Variants in ZFP64 observed in about 807,000 individuals in gnomAD.
ZFP64 encodes ZFP64 zinc finger protein, also known as zinc finger protein 64.
A neutral mutation model predicts 51.6 loss-of-function variants in ZFP64; 14 were observed. That is an observed-to-expected ratio of 0.27 (90% CI 0.18 to 0.42). ZFP64 has a LOEUF of 0.42. ZFP64 is among the 10% of genes least tolerant of loss of function. ZFP64 has a pLI of 1.00. For synonymous variants in ZFP64, 375 were observed against 361.4 expected, an observed-to-expected ratio of 1.04 and a Z score of -0.43; for missense variants, 754 against 906.8, an observed-to-expected ratio of 0.83 and a Z score of 2.16.
At chr20:52,145,604 A>C (rs1435607759) in intron 5 of ZFP64, among the ~76,000 whole-genome samples, 1 of 152,190 alleles carries the variant, frequency 6.6e-6, no homozygotes, top group Non-Finnish European at 1.5e-5. Flanking sequence ...GTGCCACTGC[A>C]CTCCAACCTG....
chr20:52,106,069 T>G (rs1426442751), intron 5 of ZFP64, among the ~76,000 whole-genome samples: 1 of 152,160 alleles, frequency 6.6e-6, no homozygotes, highest in Non-Finnish European at 1.5e-5. Flanking sequence ...TGTTTTTATA[T>G]AGCACGCGCC....
chr20:52,103,501 T>C (rs1290569173), intron 5 of ZFP64, among the ~76,000 whole-genome samples: 2 of 152,058 alleles, frequency 1.3e-5, no homozygotes, highest in African/African-American at 4.8e-5. Flanking sequence ...AGAAGTCACC[T>C]CAGTACTCCA....
chr20:52,096,837 T>A (rs888874598), intron 7 of ZFP64: 13 of 276,510 alleles, frequency 4.7e-5, no homozygotes, highest in Non-Finnish European at 8.1e-5. Flanking sequence ...CGCAATGAAC[T>A]GAGATTGCAC....
intron 5 of ZFP64, among the ~76,000 whole-genome samples, chr20:52,146,235 A>G (rs560444037): frequency 1.3e-5 from 2 of 152,304 alleles, no homozygotes; most frequent in Admixed American, 1.3e-4. Context: ...CTGGGTATAT[A>G]CCCAAAGGGC....
rs185805602 is a variant in ZFP64, at chr20:52,103,976, A to C, written c.764-5389T>G. Among the ~76,000 whole-genome samples the C allele has an allele frequency of 3.3e-3, 501 of 152,280 alleles. 3 individuals are homozygous for C. Among genetic ancestry groups the C allele is most frequent in the African/African-American group, 0.011 (478 of 41,572 alleles). ...GTGGAAGTTGATGCGGAAGCTGGAG[A>C]GCCCGCGGCTCTGGAGGGGTGAGCC... On this transcript the variant is annotated intron_variant, in intron 5 of 8. Transcript: ENST00000361387.
In ZFP64 at chr20:52,151,514, A is replaced by C. The variant is rs754071111; in HGVS notation, c.*632T>G. The C allele has an allele frequency of 1.0e-6, 1 of 985,654 alleles. No individual in the cohort carries two copies. Among genetic ancestry groups the C allele is most frequent in the East Asian group, 1.1e-4 (1 of 8,810 alleles). 61.1% of individuals were successfully genotyped at this position (985,654 alleles called of 1,614,324 possible). A position where few individuals can be genotyped will look rare whatever the true frequency, so the allele number is the denominator to read the frequency against. ...TACACAAATGTAATAAGATGGACAG[A>C]AACCTTTATTAGAGTTGGAAAATCA... On this transcript the variant is annotated 3_prime_UTR_variant, in exon 6 of 6. Coordinates refer to ENST00000216923, the MANE Select transcript of ZFP64 (RefSeq NM_018197.3).
intron 5 of ZFP64, among the ~76,000 whole-genome samples, chr20:52,123,502 C>T (rs1033057577): frequency 6.6e-6 from 1 of 152,150 alleles, no homozygotes; most frequent in Non-Finnish European, 1.5e-5. Flanking sequence ...CCATCGACCT[C>T]CAGGCAAGAC....
intron 3 of ZFP64, chr20:52,165,002 C>A (rs1375329132): frequency 9.4e-6 from 6 of 636,140 alleles, no homozygotes; most frequent in Non-Finnish European, 1.7e-5. Context: ...AACTGAGGCC[C>A]TTTTGACAAA....
At chr20:52,183,599 G>T (rs1983764750) in intron 2 of ZFP64, among the ~76,000 whole-genome samples, 1 of 152,122 alleles carries the variant, frequency 6.6e-6, no homozygotes, top group Admixed American at 6.5e-5. Flanking sequence ...AGGGTTTTCT[G>T]GTTTTCACCT....
intron 1 of ZFP64, among the ~76,000 whole-genome samples, chr20:52,188,449 G>C (rs6123140): frequency 0.18 from 26,218 of 147,890 alleles, 2,948 homozygotes; most frequent in East Asian, 0.25. Flanking sequence ...CAAGTAGCTG[G>C]GACTACAGGC....
intron 5 of ZFP64, among the ~76,000 whole-genome samples, chr20:52,155,008 C>T (rs1404433661): frequency 6.6e-6 from 1 of 151,962 alleles, no homozygotes; most frequent in Non-Finnish European, 1.5e-5. Context: ...TGGAACCCTT[C>T]TTAGATAATG....
At chr20:52,180,547 C>CAAAAAAAAAAAA (rs10669415) in intron 2 of ZFP64, among the ~76,000 whole-genome samples, 17 of 87,140 alleles carry the variant, frequency 2.0e-4, no homozygotes, top group East Asian at 3.7e-4. Flanking sequence ...CCAGAAATGG[C>CAAAAAAAAAAAA]AAAAAAAAAA....
In ZFP64 at chr20:52,160,192, T is replaced by A; in HGVS notation, c.694A>T (p.Lys232Ter). 6.2e-7 allele frequency: 1 copy of A among 1,614,182 alleles called. No individual in the cohort carries two copies. The highest frequency in any genetic ancestry group is 8.5e-7 in the Non-Finnish European group (1 of 1,180,036). Residue 232 changes from lysine (K) to a stop codon, truncating the protein, a stop_gained, in exon 5 of 6, where the codon AAA becomes TAA. Transcript: ENST00000216923. LOFTEE classifies it high-confidence loss of function. The surrounding 1 kb of genome is among the most constrained non-coding windows in gnomAD (Gnocchi z 4.2). ...LRIHSDERPF[K>*]CQICPYASRN... ...CTGGCGTAGGGGCAGATCTGGCATT[T>A]GAAGGGCCGCTCGTCCGAGTGGATC...
chr20:52,108,229 A>G (rs1047126702), intron 5 of ZFP64, among the ~76,000 whole-genome samples: 8 of 152,182 alleles, frequency 5.3e-5, no homozygotes, highest in South Asian at 4.1e-4. Flanking sequence ...CTTGAAAACA[A>G]ACAAACAAAA....
At chr20:52,156,568 C>T (rs994560018) in intron 5 of ZFP64, among the ~76,000 whole-genome samples, 7 of 152,196 alleles carry the variant, frequency 4.6e-5, no homozygotes, top group Admixed American at 2.6e-4. Context: ...GCTGGTTTGC[C>T]CAGCTGATCC....
At chr20:52,171,181 A>T (rs1454963386) in intron 2 of ZFP64, among the ~76,000 whole-genome samples, 1 of 152,156 alleles carries the variant, frequency 6.6e-6, no homozygotes, top group Non-Finnish European at 1.5e-5. Context: ...CCCTTCCCAC[A>T]CACGTGGCCT....
intron 7 of ZFP64, chr20:52,096,859 A>G: frequency 3.1e-6 from 1 of 327,270 alleles, no homozygotes; most frequent in Non-Finnish European, 6.1e-6. Flanking sequence ...ACTGCATTCT[A>G]GCCTGGGTGA....
At chr20:52,110,981 G>T in intron 5 of ZFP64, 3 of 1,497,150 alleles carry the variant, frequency 2.0e-6, no homozygotes, top group Non-Finnish European at 2.8e-6. Context: ...CTGCTTTTGG[G>T]AATGACCTTG....
chr20:52,093,133 T>TAA (rs1185373631), intron 7 of ZFP64, among the ~76,000 whole-genome samples: 1 of 150,770 alleles, frequency 6.6e-6, no homozygotes, highest in Non-Finnish European at 1.5e-5. Flanking sequence ...ATCAGGAGAT[T>TAA]AAAAAAAAAA....
Sources: gnomAD v4.1 joint callset for allele counts (sites outside exome capture counted in the v4.1 genomes callset) on GRCh38, gnomAD v4.1.1 for gene constraint, Gnocchi (gnomAD v3.1) non-coding constraint, MANE v1.5 for transcripts, NCBI Gene and HGNC (gene_info 2026-07-23, HGNC 2026-07-21) for gene names.